The following BCL11B variants were observed in gnomAD, a reference collection of about 807,000 sequenced individuals.
BCL11B encodes the protein B-cell lymphoma/leukemia 11B.
Under a neutral mutation model 49.9 loss-of-function variants are expected in BCL11B, and 8 were observed. The observed-to-expected ratio is 0.16, with a 90% CI of 0.09 to 0.29. The LOEUF (loss-of-function observed/expected upper bound fraction) is 0.29. Ranked by LOEUF, BCL11B falls within the 10% of genes least tolerant of loss-of-function variation. The pLI is 1.00. For synonymous variants in BCL11B, 739 were observed against 637.4 expected, an observed-to-expected ratio of 1.16 and a Z score of -2.40; for missense variants, 1,006 against 1,351.0, an observed-to-expected ratio of 0.74 and a Z score of 4.00.
At chr14:99,267,397 A>G (rs1318294200) in intron 1 of BCL11B, among the ~76,000 whole-genome samples, 1 of 152,186 alleles carries the variant, frequency 6.6e-6, no homozygotes, top group African/African-American at 2.4e-5. Context: ...GTTTTCTCTC[A>G]GGTGTGAATT....
chr14:99,235,096 C>G (rs1166392926), intron 2 of BCL11B, among the ~76,000 whole-genome samples: 1 of 152,130 alleles, frequency 6.6e-6, no homozygotes, highest in Non-Finnish European at 1.5e-5. Context: ...CGTGGAGACA[C>G]AAAAACGCCT....
rs535755694 is a variant in BCL11B, at chr14:99,241,825, A to G, written c.428-10268T>C. Among the ~76,000 whole-genome samples the G allele has an allele frequency of 5.3e-5, 8 of 152,326 alleles. No homozygotes were observed. In the East Asian group the frequency reaches 7.7e-4, roughly 15 times the overall value. On this transcript the variant is annotated intron_variant, in intron 2 of 3. Coordinates refer to ENST00000357195, the MANE Select transcript of BCL11B (RefSeq NM_138576.4). The surrounding 1 kb of genome is among the most constrained non-coding windows in gnomAD (Gnocchi z 4.4). Reference sequence around the variant, plus strand: ...TTGGCAGCGAGAAAGGCTGGCTGGCATTATCCCCTCATTTGACAAAACTAC... The same window carrying G: ...TTGGCAGCGAGAAAGGCTGGCTGGCGTTATCCCCTCATTTGACAAAACTAC...
chr14:99,195,756 G>A lies in BCL11B; in HGVS notation c.641-19561C>T, dbSNP rs1239964209. On this transcript the variant is annotated intron_variant, in intron 3 of 3. Coordinates refer to ENST00000357195, the MANE Select transcript of BCL11B (RefSeq NM_138576.4). The surrounding 1 kb of genome is among the most constrained non-coding windows in gnomAD (Gnocchi z 4.7). ...CAGGCCCCTACAGAGTGGGAGCCTCGTCCCAGTCATTCCTGTCACCCTTCA... is the reference window on the plus strand; with the variant it reads ...CAGGCCCCTACAGAGTGGGAGCCTCATCCCAGTCATTCCTGTCACCCTTCA... Among the ~76,000 whole-genome samples, 4 of 152,032 alleles carry A rather than the reference G, an allele frequency of 2.6e-5. No individual in the cohort carries two copies. The highest frequency in any genetic ancestry group is 2.9e-5 in the Non-Finnish European group (2 of 67,998).
intron 3 of BCL11B, among the ~76,000 whole-genome samples, chr14:99,212,636 G>A (rs1887720778): frequency 1.3e-5 from 2 of 152,246 alleles, no homozygotes; most frequent in African/African-American, 4.8e-5. Flanking sequence ...GGGCCCATCG[G>A]GGAGGGCACA....
In BCL11B at chr14:99,257,216, G is replaced by A. The variant is rs74083017; in HGVS notation, c.427+255C>T. Among the ~76,000 whole-genome samples, 1,065 of 152,218 alleles carry A rather than the reference G, an allele frequency of 7.0e-3. 10 individuals carry two copies. The highest frequency in any genetic ancestry group is 0.025 in the African/African-American group (1,032 of 41,530). On this transcript the variant is annotated intron_variant, in intron 2 of 3. Transcript: ENST00000357195. The surrounding 1 kb of genome is among the most constrained non-coding windows in gnomAD (Gnocchi z 6.2). ...CATTCTGTGCTTCTGACCACCTCTG[G>A]ATTAGCCCCCGAGACAGAGTCCCCT...
intron 3 of BCL11B, among the ~76,000 whole-genome samples, chr14:99,208,172 G>A (rs544482717): frequency 1.7e-4 from 26 of 152,272 alleles, no homozygotes; most frequent in East Asian, 7.8e-4. Flanking sequence ...CTGAAAGCCC[G>A]GATGTTTTAA....
At chr14:99,220,633 A>T (rs1257443) in intron 3 of BCL11B, among the ~76,000 whole-genome samples, 73,117 of 151,900 alleles carry the variant, frequency 0.48, 18,244 homozygotes, top group Non-Finnish European at 0.52. Flanking sequence ...GGGATGATGG[A>T]AAAGCTCTGG....
chr14:99,190,128 A>G (rs1886978441), intron 3 of BCL11B, among the ~76,000 whole-genome samples: 1 of 152,262 alleles, frequency 6.6e-6, no homozygotes, highest in African/African-American at 2.4e-5. Context: ...GGGTGTCCCA[A>G]TAATGAGCCA....
chr14:99,182,691 T>G (rs1886742140), intron 3 of BCL11B, among the ~76,000 whole-genome samples: 1 of 152,134 alleles, frequency 6.6e-6, no homozygotes. Flanking sequence ...CCTCTGGTGG[T>G]AATGTGCTGA....
intron 1 of BCL11B, among the ~76,000 whole-genome samples, chr14:99,259,328 A>T (rs1889270560): frequency 6.6e-6 from 1 of 152,194 alleles, no homozygotes; most frequent in African/African-American, 2.4e-5. Context: ...AATTTAAGGA[A>T]AAAATTCTGT....
Position 99,170,890 on chromosome 14 carries a change from A to G in BCL11B, c.*3261T>C, listed in dbSNP as rs1886267757. 1 of 232,372 alleles carries G rather than the reference A, an allele frequency of 4.3e-6. No individual in the cohort carries two copies. The highest frequency in any genetic ancestry group is 8.5e-6 in the Non-Finnish European group (1 of 117,594). The allele number at this position is 232,372 out of a possible 1,614,324, so 14.4% of individuals were successfully genotyped here. On this transcript the variant is annotated 3_prime_UTR_variant, in exon 4 of 4. Transcript: ENST00000357195. The stretch of plus-strand genomic sequence containing the variant: ...TTATGATATTTGTGTTTGTTTCACA[A>G]TTTCTCAAGGACTAAAGCAGCTCAG...
chr14:99,218,948 G>C (rs1015608234), intron 3 of BCL11B, among the ~76,000 whole-genome samples: 1 of 152,222 alleles, frequency 6.6e-6, no homozygotes, highest in Non-Finnish European at 1.5e-5. Context: ...CACAGAGGCA[G>C]GGAATCAGGG....
In BCL11B at chr14:99,185,446, G is replaced by GA. The variant is rs11352447; in HGVS notation, c.641-9252dup. Among the ~76,000 whole-genome samples the GA allele has an allele frequency of 1.7e-3, 234 of 138,588 alleles. 1 individual carries two copies. The highest frequency in any genetic ancestry group is 2.7e-3 in the Non-Finnish European group (168 of 62,832). 90.9% of individuals were successfully genotyped at this position (138,588 alleles called of 152,430 possible). On this transcript the variant is annotated intron_variant, in intron 3 of 3. Coordinates refer to ENST00000357195, the MANE Select transcript of BCL11B (RefSeq NM_138576.4). ...AGTGAGACTCTGCCTTAAAAAAAAA[G>GA]AAAAAAAAAAAAAAAACTATATGAC...
intron 3 of BCL11B, among the ~76,000 whole-genome samples, chr14:99,224,829 G>A (rs1220242240): frequency 6.6e-6 from 1 of 152,172 alleles, no homozygotes; most frequent in Admixed American, 6.5e-5. Flanking sequence ...AAGGACCGAG[G>A]ATGGCCCCAT....
chr14:99,249,645 T>C (rs1448880442), intron 2 of BCL11B, among the ~76,000 whole-genome samples: 1 of 152,214 alleles, frequency 6.6e-6, no homozygotes, highest in Non-Finnish European at 1.5e-5. Context: ...GTTGACACCC[T>C]GGGACCCTAC....
At chr14:99,270,281 A>G (rs533287748) in intron 1 of BCL11B, among the ~76,000 whole-genome samples, 1 of 152,148 alleles carries the variant, frequency 6.6e-6, no homozygotes, top group East Asian at 1.9e-4. Context: ...AAAGATGGAT[A>G]CGAGATTGAT....
chr14:99,199,345 G>A (rs951929193), intron 3 of BCL11B, among the ~76,000 whole-genome samples: 1 of 152,124 alleles, frequency 6.6e-6, no homozygotes, highest in African/African-American at 2.4e-5. Flanking sequence ...TGCAATTACA[G>A]CGTGCAGAGC....
intron 3 of BCL11B, among the ~76,000 whole-genome samples, chr14:99,226,214 C>T (rs1013859487): frequency 6.6e-6 from 1 of 152,186 alleles, no homozygotes; most frequent in Non-Finnish European, 1.5e-5. Flanking sequence ...GGAGCCAGCC[C>T]CCATCAACAC....
rs796562108 is a variant in BCL11B, at chr14:99,191,740, G to A, written c.641-15545C>T. On this transcript the variant is annotated intron_variant, in intron 3 of 3. Transcript: ENST00000357195. Reference sequence around the variant, plus strand: ...TCCACCAAAAAAAAAAAAATGCTCCGAGTGACTTCCCTCCAGAGCTGGGCT... The same window carrying A: ...TCCACCAAAAAAAAAAAAATGCTCCAAGTGACTTCCCTCCAGAGCTGGGCT... 7.3e-5 allele frequency among the ~76,000 whole-genome samples: 11 copies of A among 151,394 alleles called. 1 individual carries two copies. Among genetic ancestry groups the A allele is most frequent in the South Asian group, 2.1e-4 (1 of 4,782 alleles).
Sources: gnomAD v4.1 joint callset for allele counts (sites outside exome capture counted in the v4.1 genomes callset) on GRCh38, gnomAD v4.1.1 for gene constraint, Gnocchi (gnomAD v3.1) non-coding constraint, MANE v1.5 for transcripts, NCBI Gene and HGNC (gene_info 2026-07-23, HGNC 2026-07-21) for gene names.